Variants in UGT1A8 observed in about 807,000 individuals in gnomAD.
UGT1A8 encodes UDP glucuronosyltransferase family 1 member A8.
Under a neutral mutation model 45.3 loss-of-function variants are expected in UGT1A8, and 39 were observed. The observed-to-expected ratio is 0.86, with a 90% CI of 0.67 to 1.12. UGT1A8 has a LOEUF of 1.12. UGT1A8 is among the 50% of genes most tolerant of loss of function. The probability of loss-of-function intolerance (pLI) is 0.00; values close to 1 mark genes in which losing one functional copy is unlikely to be tolerated. For missense variants in UGT1A8, 719 were observed against 664.9 expected (o/e 1.08, Z -0.90); for synonymous variants, 275 against 249.2 (o/e 1.10, Z -0.97).
At chr2:233,643,176 G>A (rs905993420) in intron 1 of UGT1A8, among the ~76,000 whole-genome samples, 1 of 152,222 alleles carries the variant, frequency 6.6e-6, no homozygotes, top group Non-Finnish European at 1.5e-5. Context: ...GTCCAGAAGT[G>A]CCATCTAGGA....
chr2:233,669,126 C>T (rs1489956241), intron 1 of UGT1A8, among the ~76,000 whole-genome samples: 1 of 152,164 alleles, frequency 6.6e-6, no homozygotes, highest in Non-Finnish European at 1.5e-5. Flanking sequence ...GCCTGTGCAC[C>T]TTTGAAAAAA....
At chr2:233,679,708 C>G (rs2074460176) in intron 1 of UGT1A8, among the ~76,000 whole-genome samples, 2 of 152,152 alleles carry the variant, frequency 1.3e-5, no homozygotes, top group African/African-American at 4.8e-5. Flanking sequence ...CTCCTGTTAT[C>G]TGGACAATTT....
At chr2:233,712,490 G>T (rs916274893) in intron 1 of UGT1A8, among the ~76,000 whole-genome samples, 2 of 152,158 alleles carry the variant, frequency 1.3e-5, no homozygotes, top group Admixed American at 1.3e-4. Context: ...AAGAAAGCTG[G>T]CTTAGCAATG....
intron 1 of UGT1A8, among the ~76,000 whole-genome samples, chr2:233,628,884 C>T (rs1377909085): frequency 6.6e-6 from 1 of 151,976 alleles, no homozygotes; most frequent in Non-Finnish European, 1.5e-5. Flanking sequence ...TATGCTTATA[C>T]TTTTTTAGTT....
rs45454101 is a variant in UGT1A8 at position 233,718,617 on chromosome 2, G to A, written c.856-48417G>A. ...GTCAGATGAGCTTTTCAAGATAGGC[G>A]TGATTGGTCTTTCCCAGGGTTGGGC... On this transcript the variant is annotated intron_variant, in intron 1 of 4. Transcript: ENST00000373450. 0.029 allele frequency: 25,009 copies of A among 870,400 alleles called. 378 individuals are homozygous for A. The highest frequency in any genetic ancestry group is 0.033 in the African/African-American group (1,793 of 55,048). The allele number at this position is 870,400 out of a possible 1,614,324, so 53.9% of individuals were successfully genotyped here.
intron 1 of UGT1A8, among the ~76,000 whole-genome samples, chr2:233,670,262 G>C (rs2074155699): frequency 6.6e-6 from 1 of 152,188 alleles, no homozygotes; most frequent in African/African-American, 2.4e-5. Flanking sequence ...AGGAAGAGGT[G>C]GGTTGGTTTT....
intron 1 of UGT1A8, chr2:233,718,738 T>C: frequency 6.2e-7 from 1 of 1,611,852 alleles, no homozygotes; most frequent in Non-Finnish European, 8.5e-7. Flanking sequence ...GGTGGCTCAA[T>C]GACAAGGTAA....
chr2:233,747,798 A>T (rs1693779334), intron 1 of UGT1A8: 1 of 1,613,348 alleles, frequency 6.2e-7, no homozygotes, highest in Non-Finnish European at 8.5e-7. Context: ...CTATATTCCT[A>T]AGTTACTAAC....
chr2:233,647,369 G>T (rs948425010), intron 1 of UGT1A8, among the ~76,000 whole-genome samples: 2 of 152,092 alleles, frequency 1.3e-5, no homozygotes, highest in Non-Finnish European at 2.9e-5. Flanking sequence ...ATCTTTATCT[G>T]GTTTTGGTAT....
chr2:233,672,361 G>C (rs2074223468), intron 1 of UGT1A8: 1 of 1,614,076 alleles, frequency 6.2e-7, no homozygotes, highest in Non-Finnish European at 8.5e-7. Flanking sequence ...GAGTTCTTTT[G>C]ATGCAGTGTT....
chr2:233,743,207 A>C, intron 1 of UGT1A8: 1 of 394,578 alleles, frequency 2.5e-6, no homozygotes, highest in Non-Finnish European at 5.0e-6. Flanking sequence ...GTCAATGCGG[A>C]GTAACTGCTC....
chr2:233,725,733 T>C (rs1277713269), intron 1 of UGT1A8, among the ~76,000 whole-genome samples: 1 of 152,236 alleles, frequency 6.6e-6, no homozygotes, highest in Non-Finnish European at 1.5e-5. Flanking sequence ...TGTTTACAAA[T>C]GTAAACATTG....
At chr2:233,726,475 A>G (rs1008542072) in intron 1 of UGT1A8, among the ~76,000 whole-genome samples, 16 of 152,160 alleles carry the variant, frequency 1.1e-4, no homozygotes, top group African/African-American at 3.1e-4. Context: ...TTTAACAGAA[A>G]TTTCCTTTTT....
chr2:233,718,962 T>G (rs2011425), intron 1 of UGT1A8: 152,197 of 1,614,090 alleles, frequency 0.094, 8,216 homozygotes, highest in South Asian at 0.19. Context: ...GCGGGAGGCC[T>G]TGCGGGAGCT....
intron 1 of UGT1A8, among the ~76,000 whole-genome samples, chr2:233,634,208 TGAG>T (rs1480904243): frequency 6.6e-6 from 1 of 152,244 alleles, no homozygotes; most frequent in African/African-American, 2.4e-5. Context: ...TTGCATTTTC[TGAG>T]GAGTGTTTTG....
At chr2:233,767,621 CT>C (rs1156408939) in intron 2 of UGT1A8, among the ~76,000 whole-genome samples, 1 of 152,158 alleles carries the variant, frequency 6.6e-6, no homozygotes, top group Non-Finnish European at 1.5e-5. Context: ...AAGTGCACAG[CT>C]TGATAAATTA....
At chr2:233,649,970 T>G (rs185073890) in intron 1 of UGT1A8, among the ~76,000 whole-genome samples, 55 of 152,114 alleles carry the variant, frequency 3.6e-4, no homozygotes, top group Admixed American at 9.2e-4. Context: ...CAAGGTTTTT[T>G]GTTTGTTTGT....
chr2:233,712,879 A>C (rs969430104), intron 1 of UGT1A8: 3 of 1,597,048 alleles, frequency 1.9e-6, no homozygotes, highest in Non-Finnish European at 2.6e-6. Flanking sequence ...CTCTGTCTTC[A>C]ATTACATGTT....
At chr2:233,759,153 G>A (rs1244080154) in intron 1 of UGT1A8, among the ~76,000 whole-genome samples, 1 of 152,246 alleles carries the variant, frequency 6.6e-6, no homozygotes, top group Non-Finnish European at 1.5e-5. Flanking sequence ...GAGTTCCACA[G>A]AACACAAGGC....
Sources: allele counts gnomAD v4.1 joint callset (sites outside exome capture counted in the v4.1 genomes callset), GRCh38; gene constraint gnomAD v4.1.1; transcripts MANE v1.5; gene names NCBI Gene and HGNC (gene_info 2026-07-23, HGNC 2026-07-21).